Variants in TF observed in about 807,000 individuals in gnomAD.
The protein encoded by TF is transferrin.
A neutral mutation model predicts 82.4 loss-of-function variants in TF; 55 were observed. The observed-to-expected ratio is 0.67, with a 90% CI of 0.54 to 0.84. TF has a LOEUF of 0.84. Among genes scored for constraint, TF ranks in the 40% least tolerant of loss-of-function variants. TF has a pLI of 0.00. For synonymous variants in TF, 332 were observed against 332.6 expected (o/e 1.00, Z 0.02); for missense variants, 737 against 868.4 (o/e 0.85, Z 1.90).
At chr3:133,663,944 C>T in the TF span, among the ~76,000 whole-genome samples, 1 of 152,208 alleles carries the variant, frequency 6.6e-6, no homozygotes, top group African/African-American at 2.4e-5. Flanking sequence ...CACTAGGGGG[C>T]AAGTTCTCCC....
chr3:133,667,104 A>G, the TF span, among the ~76,000 whole-genome samples: 1 of 152,168 alleles, frequency 6.6e-6, no homozygotes, highest in Non-Finnish European at 1.5e-5. Context: ...GCACTTTGGA[A>G]GGCTGAGGCA....
At chr3:133,753,400 G>A (rs1933730357) in intron 2 of TF, among the ~76,000 whole-genome samples, 195 bp from the exon 3 acceptor site, 1 of 152,234 alleles carries the variant, frequency 6.6e-6, no homozygotes, top group Non-Finnish European at 1.5e-5. Context: ...CTATGCAGAA[G>A]GAATAGGAAT....
the TF span, among the ~76,000 whole-genome samples, chr3:133,702,676 A>T: frequency 1.3e-5 from 2 of 151,978 alleles, no homozygotes; most frequent in Non-Finnish European, 2.9e-5. Flanking sequence ...TGAGCGATGA[A>T]ATTGTGTTGT....
intron 11 of TF, 80 bp from the exon 12 acceptor site, chr3:133,766,198 C>T: frequency 2.9e-6 from 4 of 1,389,218 alleles, no homozygotes; most frequent in South Asian, 1.2e-5. Flanking sequence ...TCTTTGCTTC[C>T]CTAGGGAAAT....
Position 133,790,520 on chromosome 3 carries a change from A to G in TF, c.*11900A>G, listed in dbSNP as rs988433715. On this transcript the variant is annotated 3_prime_UTR_variant, in exon 17 of 17. Transcript: ENST00000402696. ...CAGTAAGTAGAGGAGAACGATATGG[A>G]AAAAGTTTAGATAATAAAATATTCT... is the stretch of plus-strand genomic sequence containing the variant. 7 of 152,264 alleles carry G rather than the reference A, an allele frequency of 4.6e-5. No individual in the cohort carries two copies. Among genetic ancestry groups the G allele is most frequent in the Admixed American group, 4.6e-4 (7 of 15,288 alleles). The allele number at this position is 152,264 out of a possible 1,614,324, so 9.4% of individuals were successfully genotyped here. A position where few individuals can be genotyped will look rare whatever the true frequency, so the allele number is the denominator to read the frequency against.
chr3:133,724,497 G>A, the TF span, among the ~76,000 whole-genome samples: 114 of 152,274 alleles, frequency 7.5e-4, no homozygotes, highest in African/African-American at 2.5e-3. Flanking sequence ...ACATTTGATG[G>A]GGTTGTTTGG....
At chr3:133,735,360 T>G in the TF span, among the ~76,000 whole-genome samples, 15 of 142,514 alleles carry the variant, frequency 1.1e-4, no homozygotes, top group African/African-American at 2.9e-4. Context: ...AAAAAAGAAA[T>G]AATTGTGGAA....
At position 133,746,498 on chromosome 3, in the gene TF, G is replaced by C. The variant is rs562524022; in HGVS notation, c.43+15G>C. The C allele has an allele frequency of 1.0e-5, 16 of 1,593,418 alleles. No homozygotes were observed. The highest frequency in any genetic ancestry group is 1.3e-5 in the African/African-American group (1 of 74,720). On this transcript the variant is annotated intron_variant, in intron 1 of 16. Coordinates refer to ENST00000402696, the MANE Select transcript of TF (RefSeq NM_001063.4). The stretch of plus-strand genomic sequence containing the variant: ...CGCCGTCCTGGGTGAGTGCGGGCAC[G>C]GGGTAGCACCGCAGAGTCGCTGGCC...
At chr3:133,715,254 C>A in the TF span, among the ~76,000 whole-genome samples, 2 of 152,178 alleles carry the variant, frequency 1.3e-5, no homozygotes, top group Non-Finnish European at 2.9e-5. Flanking sequence ...CTTCTTCCCC[C>A]ACCTTTCATA....
In TF at chr3:133,783,919, G is replaced by A. The variant is rs1934577415; in HGVS notation, c.*5299G>A. ...GAGCCGCCTGGACGCAGCGCCCCTG[G>A]GTGGCGGCAGGTATAGCAGGGCGGG... On this transcript the variant is annotated 3_prime_UTR_variant, in exon 17 of 17. Coordinates refer to ENST00000402696, the MANE Select transcript of TF (RefSeq NM_001063.4). 1 of 152,340 alleles carries A rather than the reference G, an allele frequency of 6.6e-6. No homozygotes were observed. The highest frequency in any genetic ancestry group is 6.5e-5 in the Admixed American group (1 of 15,294). 9.4% of individuals were successfully genotyped at this position (152,340 alleles called of 1,614,324 possible). A position where few individuals can be genotyped will look rare whatever the true frequency, so the allele number is the denominator to read the frequency against.
the TF span, chr3:133,691,830 T>C: frequency 6.5e-6 from 1 of 153,186 alleles, no homozygotes; most frequent in South Asian, 2.1e-4. Context: ...GGTCAAAAGA[T>C]GGTGTGTTCT....
chr3:133,777,449 G>T, intron 16 of TF: 1 of 573,186 alleles, frequency 1.7e-6, no homozygotes. Flanking sequence ...GAGCACTAAG[G>T]TAGTGAACTT....
chr3:133,705,979 C>T, the TF span, among the ~76,000 whole-genome samples: 13 of 152,204 alleles, frequency 8.5e-5, no homozygotes, highest in Non-Finnish European at 1.8e-4. Flanking sequence ...ATTCCTGTTC[C>T]CTCTTCTCAG....
the TF span, among the ~76,000 whole-genome samples, chr3:133,738,490 G>A: frequency 5.7e-3 from 864 of 152,250 alleles, 28 homozygotes; most frequent in Admixed American, 0.035. Flanking sequence ...AAGAAATAAA[G>A]GGTATTCAAA....
intron 15 of TF, among the ~76,000 whole-genome samples, chr3:133,775,894 T>A (rs2107934607): frequency 6.6e-6 from 1 of 152,328 alleles, no homozygotes; most frequent in East Asian, 1.9e-4. Flanking sequence ...TATTTTTACC[T>A]ACTTCTCAGT....
the TF span, chr3:133,699,579 G>A: frequency 1.6e-6 from 1 of 634,042 alleles, no homozygotes; most frequent in Non-Finnish European, 2.8e-6. Context: ...CTGAAGTGTG[G>A]GTGGCAAGGA....
chr3:133,708,026 TAA>T, the TF span, among the ~76,000 whole-genome samples: 1 of 152,068 alleles, frequency 6.6e-6, no homozygotes, highest in Non-Finnish European at 1.5e-5. Context: ...GACTTAACAT[TAA>T]AAAATAACTC....
intron 2 of TF, among the ~76,000 whole-genome samples, chr3:133,751,646 A>G (rs1933671211): frequency 6.6e-6 from 1 of 152,214 alleles, no homozygotes; most frequent in Non-Finnish European, 1.5e-5. Flanking sequence ...TGTGATGGCT[A>G]TAAAACAACG....
At chr3:133,746,616 GC>G (rs1933508712) in intron 1 of TF, 133 bp downstream of exon 1, 1 of 958,582 alleles carries the variant, frequency 1.0e-6, no homozygotes. Context: ...CCTTTCCATT[GC>G]CTCTCTACGC....
Sources: gnomAD v4.1 joint callset for allele counts (sites outside exome capture counted in the v4.1 genomes callset) on GRCh38, gnomAD v4.1.1 for gene constraint, MANE v1.5 for transcripts, NCBI Gene and HGNC (gene_info 2026-07-23, HGNC 2026-07-21) for gene names.